The following ZNF564 variants were observed in gnomAD, a reference collection of about 807,000 sequenced individuals.
ZNF564 encodes the protein zinc finger protein 564.
A neutral mutation model predicts 10.5 loss-of-function variants in ZNF564; 5 were observed. The observed-to-expected ratio is 0.48, with a 90% confidence interval of 0.25 to 1.00. ZNF564 has a LOEUF of 1.00. Among genes scored for constraint, ZNF564 ranks in the 50% least tolerant of loss-of-function variants. The pLI is 0.16. For missense variants in ZNF564, 603 were observed against 669.7 expected, an observed-to-expected ratio of 0.90 and a Z score of 1.10; for synonymous variants, 242 against 218.1, an observed-to-expected ratio of 1.11 and a Z score of -0.97.
chr19:12,536,997 A>G (rs1242990174), intron 1 of ZNF564, among the ~76,000 whole-genome samples: 2 of 152,134 alleles, frequency 1.3e-5, no homozygotes, highest in Non-Finnish European at 2.9e-5. Flanking sequence ...GCCAGTCCCC[A>G]GCCCTTGATA....
chr19:12,530,471 A>C (rs772648381), intron 1 of ZNF564, among the ~76,000 whole-genome samples: 2 of 152,154 alleles, frequency 1.3e-5, no homozygotes, highest in African/African-American at 2.4e-5. Flanking sequence ...CATACTAAGA[A>C]GACAAAATGC....
chr19:12,548,568 T>C (rs558179411), intron 1 of ZNF564: 1 of 470,068 alleles, frequency 2.1e-6, no homozygotes, highest in Admixed American at 3.3e-5. Context: ...GCCAGGATGG[T>C]CGCGATCTCC....
rs889396016 is a variant in ZNF564 at position 12,527,414 on chromosome 19, T to G, written c.694A>C (p.Lys232Gln). The change falls in exon 4 of 4, where the codon AAA (lysine) becomes CAA (glutamine). Residue 232 changes from lysine (K) to glutamine (Q), a missense_variant. Transcript: ENST00000339282. ...AAACTTGGAAGAGAAATGAAAGCTT[T>G]TGCACATTCCTGACATTCATAGGGT... The part of the protein sequence containing the change: ...EKPYECQECA[K>Q]AFISLPSFQR... 6.2e-7 allele frequency: 1 copy of G among 1,614,174 alleles called. No homozygotes were observed. Among genetic ancestry groups the G allele is most frequent in the Admixed American group, 1.7e-5 (1 of 60,016 alleles).
intron 1 of ZNF564, among the ~76,000 whole-genome samples, chr19:12,544,579 A>G (rs1356012072): frequency 1.3e-5 from 2 of 152,148 alleles, no homozygotes; most frequent in African/African-American, 2.4e-5. Flanking sequence ...CCACCTCCGC[A>G]TGAGACGGCT....
intron 1 of ZNF564, among the ~76,000 whole-genome samples, chr19:12,532,534 CAA>C (rs35579003): frequency 3.2e-3 from 125 of 39,232 alleles, no homozygotes; most frequent in African/African-American, 8.1e-3. Flanking sequence ...GACTCCGTCT[CAA>C]AAAAAAAAAA....
rs994430410 is a variant in ZNF564 at position 12,551,348 on chromosome 19, G to A, written c.-16C>T. 1.2e-6 allele frequency: 2 copies of A among 1,603,792 alleles called. No homozygotes were observed. The highest frequency in any genetic ancestry group is 1.7e-6 in the Non-Finnish European group (2 of 1,175,488). ...CACGCACCATTTCCTGGCTTCCAGG[G>A]TGTCCCGGGGTCCTGCCTACGGCTC... On this transcript the variant is annotated 5_prime_UTR_variant, in exon 1 of 4. Coordinates refer to ENST00000339282, the MANE Select transcript of ZNF564 (RefSeq NM_144976.4).
At position 12,526,264 on chromosome 19, in the gene ZNF564, G is replaced by A. The variant is rs76870311; in HGVS notation, c.*182C>T. ...CAAAATTCTTCTTCAGCTCCGAACC[G>A]GTGAAAACCAAACTAGTCATGTATT... On this transcript the variant is annotated 3_prime_UTR_variant, in exon 4 of 4. Transcript: ENST00000339282. 1,256 of 579,894 alleles carry A rather than the reference G, an allele frequency of 2.2e-3. 6 individuals are homozygous for A. The highest frequency in any genetic ancestry group is 7.3e-3 in the Middle Eastern group (15 of 2,042). 35.9% of individuals were successfully genotyped at this position (579,894 alleles called of 1,614,324 possible).
intron 1 of ZNF564, among the ~76,000 whole-genome samples, chr19:12,530,694 T>C (rs1268645302): frequency 6.6e-6 from 1 of 152,158 alleles, no homozygotes; most frequent in Non-Finnish European, 1.5e-5. Context: ...CAAGAGGAAA[T>C]GATTCCTGAC....
At chr19:12,547,332 G>A (rs896349681) in intron 1 of ZNF564, among the ~76,000 whole-genome samples, 1 of 152,194 alleles carries the variant, frequency 6.6e-6, no homozygotes, top group African/African-American at 2.4e-5. Context: ...TGGGATTATA[G>A]ATGTAAGCCG....
At chr19:12,530,530 C>T (rs992724645) in intron 1 of ZNF564, among the ~76,000 whole-genome samples, 2 of 152,166 alleles carry the variant, frequency 1.3e-5, no homozygotes, top group African/African-American at 4.8e-5. Flanking sequence ...CTATGACTTG[C>T]TAACCTTGAG....
At chr19:12,528,033 T>C in intron 3 of ZNF564, 117 bp from the exon 4 acceptor site, 1 of 1,156,376 alleles carries the variant, frequency 8.6e-7, no homozygotes, top group African/African-American at 1.5e-5. Flanking sequence ...CTGTATGAAT[T>C]GTTTGAAAGT....
At position 12,526,551 on chromosome 19, in the gene ZNF564, G is replaced by A. The variant is rs1404983440; in HGVS notation, c.1557C>T (p.Ser519=). The change falls in exon 4 of 4, where the codon TCC becomes TCT. Residue 519 remains serine, a synonymous_variant. Coordinates refer to ENST00000339282, the MANE Select transcript of ZNF564 (RefSeq NM_144976.4). ...QCGKTFSYSS[S]FQRHERAHNG... ...TATGAGCTCTTTCATGTCTTTGAAA[G>A]GAACTGGAATAACTGAACGTTTTTC... The A allele has an allele frequency of 1.2e-6, 2 of 1,614,094 alleles. No individual in the cohort carries two copies. Among genetic ancestry groups the A allele is most frequent in the Admixed American group, 1.7e-5 (1 of 60,008 alleles).
rs1207358044 is a variant in ZNF564 at position 12,527,378 on chromosome 19, T to C, written c.730A>G (p.Met244Val). 6 of 1,614,014 alleles carry C rather than the reference T, an allele frequency of 3.7e-6. No homozygotes were observed. Among genetic ancestry groups the C allele is most frequent in the African/African-American group, 1.3e-5 (1 of 74,918 alleles). The stretch of plus-strand genomic sequence containing the variant: ...GGTCCATCTCCAGTGTGCCTAATCA[T>C]GTGTCTTTGAAAACTTGGAAGAGAA... ...FISLPSFQRH[M>V]IRHTGDGPYK... The change falls in exon 4 of 4, where the codon ATG becomes GTG. Residue 244 changes from methionine to valine, a missense_variant. Met to Val is a conservative substitution (Grantham distance 21). Transcript: ENST00000339282.
intron 1 of ZNF564, among the ~76,000 whole-genome samples, chr19:12,543,879 G>A (rs915915997): frequency 6.6e-6 from 1 of 152,056 alleles, no homozygotes; most frequent in Non-Finnish European, 1.5e-5. Context: ...AGACCATGAG[G>A]GTGGTGCCCT....
intron 1 of ZNF564, among the ~76,000 whole-genome samples, chr19:12,532,346 T>A (rs1034581384): frequency 2.0e-5 from 3 of 150,956 alleles, no homozygotes; most frequent in African/African-American, 7.3e-5. Flanking sequence ...CCATCCTGGC[T>A]AACACGGTGA....
intron 1 of ZNF564, among the ~76,000 whole-genome samples, chr19:12,550,082 CG>C (rs1261043369): frequency 2.6e-5 from 4 of 151,376 alleles, no homozygotes; most frequent in African/African-American, 4.9e-5. Flanking sequence ...CACCTGAGGT[CG>C]GGAGTTCGAG....
intron 1 of ZNF564, among the ~76,000 whole-genome samples, 181 bp downstream of exon 1, chr19:12,551,149 G>C (rs377343207): frequency 6.6e-6 from 1 of 152,396 alleles, no homozygotes; most frequent in East Asian, 1.9e-4. Flanking sequence ...GACGCCTGGG[G>C]TACTGGCTAC....
chr19:12,536,530 C>T (rs1040821241), intron 1 of ZNF564, among the ~76,000 whole-genome samples: 1 of 152,142 alleles, frequency 6.6e-6, no homozygotes, highest in South Asian at 2.1e-4. Context: ...CCATTATGGT[C>T]ATGAATGAGG....
chr19:12,540,391 A>G (rs904711092), intron 1 of ZNF564, among the ~76,000 whole-genome samples: 1 of 152,188 alleles, frequency 6.6e-6, no homozygotes, highest in Admixed American at 6.5e-5. Context: ...GTGTACTCCG[A>G]ATTTTGAGCA....
Sources: allele counts gnomAD v4.1 joint callset (sites outside exome capture counted in the v4.1 genomes callset), GRCh38; gene constraint gnomAD v4.1.1; transcripts MANE v1.5; gene names NCBI Gene and HGNC (gene_info 2026-07-23, HGNC 2026-07-21).